PCA3: variants seen among roughly 807,000 people sequenced by gnomAD.
The protein encoded by PCA3 is Differential Display code 3.
intron 2 of PCA3, among the ~76,000 whole-genome samples, chr9:76,779,210 T>C (rs2054112274): frequency 6.6e-6 from 1 of 150,732 alleles, no homozygotes; most frequent in Non-Finnish European, 1.5e-5. Flanking sequence ...TAAATGGCAA[T>C]GGACAAAGTG....
chr9:76,776,762 A>G (rs1589163952), intron 2 of PCA3, among the ~76,000 whole-genome samples: 1 of 143,986 alleles, frequency 6.9e-6, no homozygotes, highest in Non-Finnish European at 1.5e-5. Context: ...TGATCCACCC[A>G]CCTCAGCCTC....
chr9:76,785,620 T>C (rs887551205), intron 2 of PCA3: 1 of 152,184 alleles, frequency 6.6e-6, no homozygotes, highest in Admixed American at 6.5e-5. Flanking sequence ...TTGAGATGTG[T>C]TTGTCCTTGT....
intron 2 of PCA3, among the ~76,000 whole-genome samples, chr9:76,775,075 A>C (rs904975640): frequency 6.6e-6 from 1 of 152,078 alleles, no homozygotes; most frequent in Non-Finnish European, 1.5e-5. Context: ...GAAGAAAAAA[A>C]ATTTGCCCTG....
chr9:76,770,597 T>C (rs991710329), intron 2 of PCA3, among the ~76,000 whole-genome samples: 4 of 152,184 alleles, frequency 2.6e-5, no homozygotes, highest in African/African-American at 9.6e-5. Context: ...GTAAACCAAA[T>C]GAAACTAACA....
chr9:76,770,942 A>T (rs1353023698), intron 2 of PCA3, among the ~76,000 whole-genome samples: 1 of 152,186 alleles, frequency 6.6e-6, no homozygotes. Context: ...AAAAAGAAGA[A>T]TTAGTAATTG....
chr9:76,777,567 C>T (rs556093769), intron 2 of PCA3, among the ~76,000 whole-genome samples: 1 of 152,268 alleles, frequency 6.6e-6, no homozygotes, highest in East Asian at 1.9e-4. Context: ...ATTTGTTAGT[C>T]CCAATTTATG....
intron 2 of PCA3, among the ~76,000 whole-genome samples, chr9:76,767,214 G>A (rs1049465056): frequency 7.9e-5 from 12 of 152,294 alleles, no homozygotes; most frequent in Non-Finnish European, 1.3e-4. Context: ...CACTTTGGGA[G>A]GCCGAGGTGG....
At chr9:76,775,319 C>T (rs1483254461) in intron 2 of PCA3, among the ~76,000 whole-genome samples, 5 of 151,634 alleles carry the variant, frequency 3.3e-5, no homozygotes, top group African/African-American at 1.2e-4. Flanking sequence ...TTTTTTGAGA[C>T]AAGGTCTCAC....
At chr9:76,769,397 T>C (rs2130904462) in intron 2 of PCA3, among the ~76,000 whole-genome samples, 1 of 152,348 alleles carries the variant, frequency 6.6e-6, no homozygotes, top group African/African-American at 2.4e-5. Flanking sequence ...CCTCTATTGA[T>C]GGACATTAAG....
chr9:76,769,557 C>T (rs1376801697), intron 2 of PCA3, among the ~76,000 whole-genome samples: 1 of 152,142 alleles, frequency 6.6e-6, no homozygotes, highest in Non-Finnish European at 1.5e-5. Context: ...TCCCAAGTAG[C>T]TGGGATTACA....
At chr9:76,782,013 G>A (rs2054465550) in intron 2 of PCA3, among the ~76,000 whole-genome samples, 1 of 152,108 alleles carries the variant, frequency 6.6e-6, no homozygotes, top group African/African-American at 2.4e-5. Flanking sequence ...AGGAGATTGA[G>A]ACCATCCTGG....
intron 2 of PCA3, among the ~76,000 whole-genome samples, chr9:76,781,808 C>G (rs938168666): frequency 7.9e-5 from 12 of 152,198 alleles, no homozygotes; most frequent in Admixed American, 7.8e-4. Flanking sequence ...CTTGGTATTT[C>G]ACCTTTCATC....
intron 2 of PCA3, among the ~76,000 whole-genome samples, chr9:76,778,167 G>A (rs1002503502): frequency 2.0e-5 from 3 of 152,192 alleles, no homozygotes; most frequent in Non-Finnish European, 4.4e-5. Flanking sequence ...TTGAGAATCT[G>A]ATGTTTGCAA....
chr9:76,779,232 CTT>C (rs5898506), intron 2 of PCA3, among the ~76,000 whole-genome samples: 10 of 144,882 alleles, frequency 6.9e-5, no homozygotes, highest in African/African-American at 1.5e-4. Context: ...AAAACTTAGA[CTT>C]TTTTTTTTTT....
At chr9:76,777,427 G>A (rs114852033) in intron 2 of PCA3, among the ~76,000 whole-genome samples, 1,738 of 152,252 alleles carry the variant, frequency 0.011, 31 homozygotes, top group African/African-American at 0.039. Context: ...GCTATCCCAG[G>A]CACAGAGCTC....
intron 2 of PCA3, among the ~76,000 whole-genome samples, chr9:76,767,710 C>T (rs1394971850): frequency 1.3e-5 from 2 of 152,136 alleles, no homozygotes; most frequent in East Asian, 1.9e-4. Flanking sequence ...TAATACATAT[C>T]GTGCATCTCT....
At position 76,783,060 on chromosome 9, in the gene PCA3, T is replaced by C. The variant is rs1165574470; in HGVS notation, n.853-25523T>C. Among the ~76,000 whole-genome samples the C allele has an allele frequency of 2.6e-5, 4 of 152,300 alleles. No homozygotes were observed. In the East Asian group the frequency reaches 5.8e-4, roughly 22 times the overall value. Reference sequence around the variant, plus strand: ...AAAACAGTCCACATAGTAGGTATTGTGGTGATTAAACAGAAAGGCACTGAA... The same window carrying C: ...AAAACAGTCCACATAGTAGGTATTGCGGTGATTAAACAGAAAGGCACTGAA... On this transcript the variant is annotated intron_variant and non_coding_transcript_variant, in intron 2 of 5. Coordinates refer to ENST00000644657, the Ensembl canonical transcript of PCA3.
intron 2 of PCA3, chr9:76,785,093 T>G (rs2054836785): frequency 6.6e-6 from 1 of 152,150 alleles, no homozygotes; most frequent in Admixed American, 6.6e-5. Flanking sequence ...AGCCACAGCC[T>G]CTCCCCATCC....
At chr9:76,775,850 C>T (rs1030397377) in intron 2 of PCA3, among the ~76,000 whole-genome samples, 4 of 152,206 alleles carry the variant, frequency 2.6e-5, no homozygotes, top group Non-Finnish European at 5.9e-5. Flanking sequence ...CTTCTCTAGC[C>T]TTTAGCTCGG....
Sources: allele counts gnomAD v4.1 joint callset (sites outside exome capture counted in the v4.1 genomes callset), GRCh38; gene constraint gnomAD v4.1.1; transcripts MANE v1.5; gene names NCBI Gene and HGNC (gene_info 2026-07-23, HGNC 2026-07-21).